The following FRMD4B variants were observed in gnomAD, a reference collection of about 807,000 sequenced individuals.
The protein encoded by FRMD4B is FERM domain containing 4B.
In FRMD4B, 74 loss-of-function variants were observed where a neutral mutation model predicts 141.5. The ratio of observed to expected loss-of-function variants is 0.52; its 90% CI spans 0.43 to 0.63. FRMD4B has a LOEUF of 0.63. Among genes scored for constraint, FRMD4B ranks in the 30% least tolerant of loss-of-function variants. The pLI is 0.00. For synonymous variants in FRMD4B, 506 were observed against 467.9 expected, an observed-to-expected ratio of 1.08 and a Z score of -1.05; for missense variants, 1,366 against 1,253.4, an observed-to-expected ratio of 1.09 and a Z score of -1.36.
chr3:69,430,973 G>C (rs1344689938), intron 2 of FRMD4B, among the ~76,000 whole-genome samples: 1 of 152,198 alleles, frequency 6.6e-6, no homozygotes, highest in Non-Finnish European at 1.5e-5. Context: ...AGAGAAGCCA[G>C]AGAAGCCCCG....
In FRMD4B at chr3:69,176,602, G is replaced by GGTTA; in HGVS notation, c.2905_2906insTAAC (p.Ser969LeufsTer21). Reference sequence around the variant, plus strand: ...AGAATGTGCTGGAGTCTCGTAATCCGACAGCCCTATGGTTAACTGGGTCCT... The same window carrying GGTTA: ...AGAATGTGCTGGAGTCTCGTAATCCGGTTAACAGCCCTATGGTTAACTGGGTCCT... On this transcript the variant is annotated frameshift_variant, in exon 22 of 23. Coordinates refer to ENST00000398540, the MANE Select transcript of FRMD4B (RefSeq NM_015123.3). LOFTEE classifies it high-confidence loss of function. The GGTTA allele has an allele frequency of 6.2e-7, 1 of 1,605,264 alleles. No homozygotes were observed. The highest frequency in any genetic ancestry group is 8.5e-7 in the Non-Finnish European group (1 of 1,171,966).
At chr3:69,207,877 C>G (rs1424710449) in intron 11 of FRMD4B, among the ~76,000 whole-genome samples, 23 of 152,054 alleles carry the variant, frequency 1.5e-4, no homozygotes, top group Non-Finnish European at 2.8e-4. Context: ...TCCTTTTCTT[C>G]TAGCAGCATC....
At chr3:69,346,937 A>C (rs1702964222) in intron 1 of FRMD4B, among the ~76,000 whole-genome samples, 1 of 152,216 alleles carries the variant, frequency 6.6e-6, no homozygotes, top group Non-Finnish European at 1.5e-5. Flanking sequence ...CGAGCAAAAT[A>C]ACCAGCTAAC....
chr3:69,440,109 T>C (rs532694167), intron 1 of FRMD4B, among the ~76,000 whole-genome samples: 16 of 152,226 alleles, frequency 1.1e-4, no homozygotes, highest in Non-Finnish European at 2.4e-4. Flanking sequence ...AACTTGAGTG[T>C]GACTTTTGAG....
intron 2 of FRMD4B, among the ~76,000 whole-genome samples, chr3:69,410,596 G>A (rs1288946280): frequency 6.6e-6 from 1 of 151,618 alleles, no homozygotes; most frequent in South Asian, 2.1e-4. Context: ...GCCCAGAAAC[G>A]GCCATTGAGA....
chr3:69,300,158 G>T (rs1292772618), intron 4 of FRMD4B, among the ~76,000 whole-genome samples: 1 of 152,286 alleles, frequency 6.6e-6, no homozygotes, highest in Non-Finnish European at 1.5e-5. Context: ...GACCTCCATA[G>T]AACCAGCTAC....
chr3:69,467,948 C>G (rs928146667), intron 1 of FRMD4B, among the ~76,000 whole-genome samples: 7 of 152,210 alleles, frequency 4.6e-5, no homozygotes, highest in Admixed American at 1.3e-4. Context: ...GATACACTCA[C>G]CTGGGCCTGA....
chr3:69,186,444 G>A (rs1183159142), intron 19 of FRMD4B, among the ~76,000 whole-genome samples: 2 of 151,916 alleles, frequency 1.3e-5, no homozygotes, highest in East Asian at 3.9e-4. Context: ...GGGCACACTG[G>A]CTCATGCCTG....
chr3:69,174,134 C>G (rs1044532497), intron 22 of FRMD4B, among the ~76,000 whole-genome samples: 11 of 38,488 alleles, frequency 2.9e-4, no homozygotes, highest in African/African-American at 7.4e-4. Context: ...AAGGCTCCGT[C>G]TTGGGAAGAA....
intron 4 of FRMD4B, among the ~76,000 whole-genome samples, chr3:69,294,356 A>G (rs569400748): frequency 6.6e-6 from 1 of 152,320 alleles, no homozygotes; most frequent in East Asian, 1.9e-4. Context: ...TATAATGCTG[A>G]AGGCTGAAGT....
intron 11 of FRMD4B, among the ~76,000 whole-genome samples, chr3:69,205,922 G>A (rs1436229235): frequency 6.6e-6 from 1 of 152,198 alleles, no homozygotes; most frequent in Non-Finnish European, 1.5e-5. Flanking sequence ...ATATGCAAAT[G>A]CTACCCACTA....
intron 7 of FRMD4B, among the ~76,000 whole-genome samples, chr3:69,236,140 GA>G (rs2093344212): frequency 6.6e-6 from 1 of 151,432 alleles, no homozygotes; most frequent in African/African-American, 2.4e-5. Flanking sequence ...CACCAAACCA[GA>G]ACAAACCAAA....
intron 4 of FRMD4B, among the ~76,000 whole-genome samples, chr3:69,290,859 C>T (rs764538650): frequency 3.3e-5 from 5 of 152,176 alleles, no homozygotes; most frequent in African/African-American, 4.8e-5. Context: ...GTGGACAGTG[C>T]TCTTAACCAA....
chr3:69,454,488 G>A (rs188441985), intron 1 of FRMD4B, among the ~76,000 whole-genome samples: 79 of 152,328 alleles, frequency 5.2e-4, no homozygotes, highest in Middle Eastern at 3.4e-3. Context: ...ACGGGCCAGC[G>A]CCAGTTCCAG....
Position 69,224,445 on chromosome 3 carries a change from A to C in FRMD4B, c.665+162T>G, listed in dbSNP as rs143970884. Among the ~76,000 whole-genome samples the C allele has an allele frequency of 4.5e-3, 691 of 152,336 alleles. 5 individuals carry two copies. The highest frequency in any genetic ancestry group is 7.4e-3 in the Non-Finnish European group (505 of 68,032). On this transcript the variant is annotated intron_variant, in intron 8 of 22. Coordinates refer to ENST00000398540, the MANE Select transcript of FRMD4B (RefSeq NM_015123.3). ...ATGATCTCCAGTAAGCTTTGAGTAGATCCTTTCACTGAAAGGATCAAGGTC... is the reference window on the plus strand; with the variant it reads ...ATGATCTCCAGTAAGCTTTGAGTAGCTCCTTTCACTGAAAGGATCAAGGTC...
intron 5 of FRMD4B, among the ~76,000 whole-genome samples, chr3:69,264,878 T>C (rs1364044620): frequency 6.6e-6 from 1 of 152,114 alleles, no homozygotes; most frequent in African/African-American, 2.4e-5. Context: ...AGAAACTTGA[T>C]CACGATGAAG....
At chr3:69,265,209 T>C (rs2093552959) in intron 5 of FRMD4B, among the ~76,000 whole-genome samples, 3 of 125,828 alleles carry the variant, frequency 2.4e-5, no homozygotes, top group African/African-American at 6.1e-5. Context: ...GAGCCGAGAT[T>C]GCGCCACTGC....
At chr3:69,416,933 T>C (rs1704877283) in intron 2 of FRMD4B, among the ~76,000 whole-genome samples, 1 of 152,240 alleles carries the variant, frequency 6.6e-6, no homozygotes, top group Non-Finnish European at 1.5e-5. Flanking sequence ...TGCCACATTT[T>C]CTTTATCCAG....
intron 1 of FRMD4B, among the ~76,000 whole-genome samples, chr3:69,474,293 T>A (rs868354774): frequency 1.3e-5 from 2 of 152,172 alleles, no homozygotes; most frequent in Non-Finnish European, 2.9e-5. Flanking sequence ...GAGTGAACAA[T>A]ACAATTCTGG....
Sources: gnomAD v4.1 joint callset for allele counts (sites outside exome capture counted in the v4.1 genomes callset) on GRCh38, gnomAD v4.1.1 for gene constraint, MANE v1.5 for transcripts, NCBI Gene and HGNC (gene_info 2026-07-23, HGNC 2026-07-21) for gene names.